Variants in TCAIM observed in about 807,000 individuals in gnomAD.
TCAIM encodes T cell activation inhibitor, mitochondrial.
A neutral mutation model predicts 58.6 loss-of-function variants in TCAIM; 36 were observed. That is an observed-to-expected ratio of 0.61 (90% CI 0.47 to 0.81). TCAIM has a LOEUF of 0.81. Ranked by LOEUF, TCAIM falls within the 30% of genes least tolerant of loss-of-function variation. The pLI is 0.00. For synonymous variants in TCAIM, 172 were observed against 193.6 expected (o/e 0.89, Z 0.93); for missense variants, 466 against 579.6 (o/e 0.80, Z 2.01).
chr3:44,353,811 A>G (rs929333228), intron 1 of TCAIM, among the ~76,000 whole-genome samples: 28 of 152,106 alleles, frequency 1.8e-4, no homozygotes, highest in Non-Finnish European at 7.4e-5. Flanking sequence ...AGTTCTTTGT[A>G]CATTTTGGAT....
intron 10 of TCAIM, among the ~76,000 whole-genome samples, chr3:44,405,951 CAAAAA>C (rs10579882): frequency 3.5e-5 from 4 of 113,036 alleles, no homozygotes; most frequent in South Asian, 3.1e-4. Context: ...GACTCCATCT[CAAAAA>C]AAAAAAAAAA....
intron 3 of TCAIM, among the ~76,000 whole-genome samples, chr3:44,360,510 C>A (rs1701278801): frequency 6.6e-6 from 1 of 151,458 alleles, no homozygotes. Flanking sequence ...AAAAAAAAAT[C>A]AAAACTAAAT....
intron 1 of TCAIM, among the ~76,000 whole-genome samples, chr3:44,351,602 C>G (rs1475837435): frequency 1.3e-5 from 2 of 152,042 alleles, no homozygotes; most frequent in African/African-American, 4.8e-5. Flanking sequence ...TCAAGTGATT[C>G]TGCTGCCTCA....
chr3:44,377,393 A>C lies in TCAIM; in HGVS notation c.572+9685A>C, dbSNP rs569115770. ...TATGAAGCAAAAGTGGACTGAATTGAAGAGAGAAATAGAAAGTTCTACAAT... is the reference window on the plus strand; with the variant it reads ...TATGAAGCAAAAGTGGACTGAATTGCAGAGAGAAATAGAAAGTTCTACAAT... On this transcript the variant is annotated intron_variant, in intron 5 of 10. Transcript: ENST00000342649. 2.0e-5 allele frequency among the ~76,000 whole-genome samples: 3 copies of C among 152,316 alleles called. No individual in the cohort carries two copies. In the South Asian group the frequency reaches 6.2e-4, roughly 32 times the overall value.
rs1253530079 is a variant in TCAIM, at chr3:44,370,276, AC to A, written c.572+2569del. Among the ~76,000 whole-genome samples the A allele has an allele frequency of 2.0e-5, 3 of 152,050 alleles. No individual in the cohort carries two copies. In the East Asian group the frequency reaches 5.8e-4, roughly 29 times the overall value. On this transcript the variant is annotated intron_variant, in intron 5 of 10. Transcript: ENST00000342649. ...GGAGATCAAGACCATCCTGGCTAAC[AC>A]GGTGAAACCCCGTCTCTACTAAAAA...
intron 5 of TCAIM, among the ~76,000 whole-genome samples, chr3:44,382,786 CA>C (rs1701674031): frequency 6.6e-6 from 1 of 152,108 alleles, no homozygotes; most frequent in African/African-American, 2.4e-5. Context: ...AAGACACTAT[CA>C]ACAGAGTAAA....
At chr3:44,367,332 G>A in intron 4 of TCAIM, 124 bp from the exon 5 acceptor site, 1 of 1,123,242 alleles carries the variant, frequency 8.9e-7, no homozygotes, top group Non-Finnish European at 1.2e-6. Flanking sequence ...CCATTTACAG[G>A]TGATTTGCTA....
intron 5 of TCAIM, among the ~76,000 whole-genome samples, chr3:44,379,812 C>T (rs952339171): frequency 2.0e-5 from 3 of 151,990 alleles, no homozygotes; most frequent in Admixed American, 2.0e-4. Context: ...TACCCCAAAC[C>T]CCAGCACGTT....
At chr3:44,369,238 G>A (rs1701426048) in intron 5 of TCAIM, among the ~76,000 whole-genome samples, 1 of 152,136 alleles carries the variant, frequency 6.6e-6, no homozygotes, top group Admixed American at 6.5e-5. Context: ...TACAACTTCT[G>A]CTTACACCCG....
intron 5 of TCAIM, among the ~76,000 whole-genome samples, chr3:44,368,926 G>A (rs1701421802): frequency 6.6e-6 from 1 of 152,160 alleles, no homozygotes; most frequent in South Asian, 2.1e-4. Flanking sequence ...GGAAGGCTAA[G>A]GCAGGAAGAT....
chr3:44,402,162 T>C (rs1702030815), intron 10 of TCAIM, among the ~76,000 whole-genome samples: 1 of 151,926 alleles, frequency 6.6e-6, no homozygotes, highest in Non-Finnish European at 1.5e-5. Flanking sequence ...CCCAGCACTT[T>C]AGGAGGCCAA....
chr3:44,389,125 G>T (rs1246485887), intron 5 of TCAIM, among the ~76,000 whole-genome samples: 1 of 152,104 alleles, frequency 6.6e-6, no homozygotes, highest in Non-Finnish European at 1.5e-5. Flanking sequence ...CCCCATCTCT[G>T]CTAATAATAC....
chr3:44,356,571 G>A (rs746189275), intron 2 of TCAIM, among the ~76,000 whole-genome samples: 20 of 151,770 alleles, frequency 1.3e-4, no homozygotes, highest in Non-Finnish European at 2.2e-4. Flanking sequence ...TTTAAAAATA[G>A]GTGTCGTGGA....
At chr3:44,367,189 G>C (rs1445630010) in intron 4 of TCAIM, among the ~76,000 whole-genome samples, 4 of 152,142 alleles carry the variant, frequency 2.6e-5, no homozygotes, top group African/African-American at 9.7e-5. Context: ...TTGGTCACTG[G>C]AGCCAAACTA....
At chr3:44,359,055 C>A (rs1254313416) in intron 3 of TCAIM, 3 of 982,304 alleles carry the variant, frequency 3.1e-6, no homozygotes, top group South Asian at 9.4e-5. Context: ...CTTAGTAATA[C>A]TTTAATATTA....
At chr3:44,371,764 T>C (rs1460798195) in intron 5 of TCAIM, among the ~76,000 whole-genome samples, 1 of 152,162 alleles carries the variant, frequency 6.6e-6, no homozygotes, top group African/African-American at 2.4e-5. Context: ...GAGGGTTTGT[T>C]CAATGTTTTA....
intron 5 of TCAIM, among the ~76,000 whole-genome samples, chr3:44,370,718 ATTTC>A (rs1288567041): frequency 2.2e-5 from 3 of 137,426 alleles, no homozygotes; most frequent in Non-Finnish European, 4.7e-5. Flanking sequence ...CTTAGATTGT[ATTTC>A]TTTTTTAATT....
Position 44,367,531 on chromosome 3 carries a change from G to A in TCAIM, c.395G>A (p.Ser132Asn). ...STVLYILNSC[S>N]LSVEHIQSLN... is the part of the protein sequence containing the mutation. Reference sequence around the variant, plus strand: ...GTGTTATATATTCTCAACTCCTGCAGTTTATCTGTTGAACATATCCAAAGC... The same window carrying A: ...GTGTTATATATTCTCAACTCCTGCAATTTATCTGTTGAACATATCCAAAGC... The change falls in exon 5 of 11, where the codon AGT becomes AAT. Residue 132 changes from serine (S) to asparagine (N), a missense_variant. Physicochemically the swap from Ser to Asn is conservative, Grantham distance 46. Transcript: ENST00000342649. 1 of 1,614,070 alleles carries A rather than the reference G, an allele frequency of 6.2e-7. No homozygotes were observed. The highest frequency in any genetic ancestry group is 1.7e-5 in the Admixed American group (1 of 59,998).
At position 44,361,459 on chromosome 3, in the gene TCAIM, T is replaced by C. The variant is rs1262940365; in HGVS notation, c.260T>C (p.Phe87Ser). Residue 87 changes from phenylalanine to serine, a missense_variant, in exon 4 of 11, where the codon TTT (phenylalanine) becomes TCT (serine). By Grantham distance (155) the Phe-to-Ser change is radical. Transcript: ENST00000342649. ...FKSLKPTQLT[F>S]YVRETDQSSS... ...TCTTTGAAACCAACTCAGCTTACAT[T>C]TTATGTAAGAGAAACAGACCAGAGT... 2 of 1,612,570 alleles carry C rather than the reference T, an allele frequency of 1.2e-6. No individual in the cohort carries two copies. The highest frequency in any genetic ancestry group is 1.7e-6 in the Non-Finnish European group (2 of 1,179,312).
Sources: gnomAD v4.1 joint callset for allele counts (sites outside exome capture counted in the v4.1 genomes callset) on GRCh38, gnomAD v4.1.1 for gene constraint, MANE v1.5 for transcripts, NCBI Gene and HGNC (gene_info 2026-07-23, HGNC 2026-07-21) for gene names.